Variants in OPCML observed in about 807,000 individuals in gnomAD.
The protein encoded by OPCML is opioid binding protein/cell adhesion molecule like.
Under a neutral mutation model 37.8 loss-of-function variants are expected in OPCML, and 13 were observed. The observed-to-expected ratio is 0.34, with a 90% CI of 0.22 to 0.55. The LOEUF (loss-of-function observed/expected upper bound fraction) is 0.55, where lower values mean the gene tolerates loss of function less well. Ranked by LOEUF, OPCML falls within the 20% of genes least tolerant of loss-of-function variation. The pLI, the probability that OPCML is intolerant of heterozygous loss-of-function variation, is 0.91. For synonymous variants in OPCML, 176 were observed against 168.8 expected (o/e 1.04, Z -0.33); for missense variants, 341 against 435.6 (o/e 0.78, Z 1.93).
intron 1 of OPCML, among the ~76,000 whole-genome samples, chr11:133,438,857 C>T (rs1213303464): frequency 6.6e-6 from 1 of 152,202 alleles, no homozygotes; most frequent in African/African-American, 2.4e-5. Context: ...CATGAAAGCC[C>T]CTAAGTATTA....
intron 2 of OPCML, among the ~76,000 whole-genome samples, chr11:132,881,831 G>T (rs1000693295): frequency 6.6e-6 from 1 of 152,164 alleles, no homozygotes; most frequent in Non-Finnish European, 1.5e-5. Flanking sequence ...AGATAAGAGA[G>T]AACCATCTAA....
chr11:133,185,755 T>C (rs1938043224), intron 1 of OPCML, among the ~76,000 whole-genome samples: 1 of 152,176 alleles, frequency 6.6e-6, no homozygotes, highest in African/African-American at 2.4e-5. Context: ...GGGTCTGCAA[T>C]CAATTTATGC....
chr11:132,791,313 G>A (rs139639343), intron 2 of OPCML, among the ~76,000 whole-genome samples: 13 of 152,282 alleles, frequency 8.5e-5, no homozygotes, highest in Non-Finnish European at 1.6e-4. Flanking sequence ...AATAGACACT[G>A]CTTTATCAGC....
Position 132,436,877 on chromosome 11 carries a change from A to G in OPCML, c.644-98T>C, listed in dbSNP as rs78518178. 13,254 of 1,502,098 alleles carry G rather than the reference A, an allele frequency of 8.8e-3. 84 individuals carry two copies. The highest frequency in any genetic ancestry group is 0.037 in the Middle Eastern group (155 of 4,164). 93.0% of individuals were successfully genotyped at this position (1,502,098 alleles called of 1,614,324 possible). ...TGAAGGGCACATCCAGCCATTTGCT[A>G]TGTAAATGGATTTCTTGTGACAACC... On this transcript the variant is annotated intron_variant, in intron 5 of 7. Coordinates refer to ENST00000524381, the MANE Select transcript of OPCML (RefSeq NM_001012393.5).
At chr11:132,528,756 C>G (rs1368559573) in intron 4 of OPCML, among the ~76,000 whole-genome samples, 1 of 152,230 alleles carries the variant, frequency 6.6e-6, no homozygotes, top group African/African-American at 2.4e-5. Context: ...AAACCACCAA[C>G]TGACCCACCT....
intron 2 of OPCML, among the ~76,000 whole-genome samples, chr11:132,813,117 T>G (rs931125077): frequency 2.6e-5 from 4 of 152,230 alleles, no homozygotes; most frequent in Admixed American, 2.0e-4. Flanking sequence ...TCATTGCTTT[T>G]GAATTTAATT....
chr11:133,046,794 C>T (rs1591948295), intron 1 of OPCML, among the ~76,000 whole-genome samples: 2 of 152,176 alleles, frequency 1.3e-5, no homozygotes, highest in East Asian at 3.9e-4. Context: ...ATCTACTTAA[C>T]AGCAGTCTCC....
intron 1 of OPCML, among the ~76,000 whole-genome samples, chr11:133,344,330 T>C (rs1943947082): frequency 6.6e-6 from 1 of 152,202 alleles, no homozygotes; most frequent in African/African-American, 2.4e-5. Flanking sequence ...GCGAAAAGGG[T>C]GCATTACCTA....
chr11:133,095,414 G>T (rs1186053630), intron 1 of OPCML, among the ~76,000 whole-genome samples: 1 of 147,952 alleles, frequency 6.8e-6, no homozygotes, highest in East Asian at 2.0e-4. Context: ...TTATGGGAAG[G>T]AATTATGGAA....
intron 1 of OPCML, among the ~76,000 whole-genome samples, chr11:133,079,040 A>C (rs1484584200): frequency 6.6e-6 from 1 of 151,554 alleles, no homozygotes; most frequent in South Asian, 2.1e-4. Context: ...GCTCATCCCC[A>C]CCCCAATATT....
intron 1 of OPCML, among the ~76,000 whole-genome samples, chr11:132,962,863 G>T (rs777010683): frequency 2.0e-5 from 3 of 152,154 alleles, no homozygotes; most frequent in Non-Finnish European, 4.4e-5. Flanking sequence ...TTAGCTTTTT[G>T]CTTCAGCATC....
intron 1 of OPCML, among the ~76,000 whole-genome samples, chr11:132,983,243 T>C (rs1483784073): frequency 1.8e-4 from 27 of 152,182 alleles, no homozygotes; most frequent in Admixed American, 1.6e-3. Flanking sequence ...AAGACTCTCA[T>C]AGCATCACAG....
At chr11:132,468,459 G>A (rs777703953) in intron 4 of OPCML, among the ~76,000 whole-genome samples, 2 of 152,102 alleles carry the variant, frequency 1.3e-5, no homozygotes, top group Non-Finnish European at 2.9e-5. Context: ...ATCTGCACTC[G>A]TTATGTTGCT....
At chr11:133,100,754 A>G (rs1224222800) in intron 1 of OPCML, among the ~76,000 whole-genome samples, 1 of 152,220 alleles carries the variant, frequency 6.6e-6, no homozygotes, top group Non-Finnish European at 1.5e-5. Flanking sequence ...ACAACTAGAC[A>G]TGCACATATT....
rs576871522 is a variant in OPCML at position 132,724,521 on chromosome 11, C to T, written c.147-67202G>A. 3.3e-5 allele frequency among the ~76,000 whole-genome samples: 5 copies of T among 152,246 alleles called. No individual in the cohort carries two copies. In the South Asian group the frequency reaches 1.0e-3, roughly 32 times the overall value. On this transcript the variant is annotated intron_variant, in intron 2 of 7. Transcript: ENST00000524381. ...TTGAGAAGAGATTTGGGTGGGGACACAGCCAAACCATATTATTCCACCCCT... is the reference window on the plus strand; with the variant it reads ...TTGAGAAGAGATTTGGGTGGGGACATAGCCAAACCATATTATTCCACCCCT...
At chr11:133,353,926 C>T (rs1013066029) in intron 1 of OPCML, among the ~76,000 whole-genome samples, 2 of 152,116 alleles carry the variant, frequency 1.3e-5, no homozygotes, top group Non-Finnish European at 2.9e-5. Flanking sequence ...AATATATATC[C>T]CTTTTATCAC....
At chr11:133,191,518 T>G (rs1282465773) in intron 1 of OPCML, among the ~76,000 whole-genome samples, 1 of 151,794 alleles carries the variant, frequency 6.6e-6, no homozygotes, top group Non-Finnish European at 1.5e-5. Context: ...TGTGTGTGTG[T>G]GTGTGTGTGT....
intron 2 of OPCML, among the ~76,000 whole-genome samples, chr11:132,937,208 G>A (rs112542760): frequency 0.052 from 7,837 of 152,010 alleles, 688 homozygotes; most frequent in African/African-American, 0.18. Flanking sequence ...CTGGCGGACC[G>A]GCTCCCCAGC....
chr11:132,578,025 A>G (rs79614491), intron 3 of OPCML, among the ~76,000 whole-genome samples: 18,314 of 150,894 alleles, frequency 0.12, 2,587 homozygotes, highest in African/African-American at 0.34. Context: ...AGATACATAG[A>G]AAAAAAAAGA....
Sources: gnomAD v4.1 joint callset for allele counts (sites outside exome capture counted in the v4.1 genomes callset) on GRCh38, gnomAD v4.1.1 for gene constraint, MANE v1.5 for transcripts, NCBI Gene and HGNC (gene_info 2026-07-23, HGNC 2026-07-21) for gene names.